The following CPNE4 variants were observed in gnomAD, a reference collection of about 807,000 sequenced individuals.
CPNE4 encodes the protein copine-4.
A neutral mutation model predicts 67.9 loss-of-function variants in CPNE4; 25 were observed. The ratio of observed to expected loss-of-function variants is 0.37; its 90% confidence interval spans 0.27 to 0.51. CPNE4 has a LOEUF of 0.51. Ranked by LOEUF, CPNE4 falls within the 20% of genes least tolerant of loss-of-function variation. CPNE4 has a pLI of 0.93. For missense variants in CPNE4, 464 were observed against 690.8 expected, an observed-to-expected ratio of 0.67 and a Z score of 3.68; for synonymous variants, 242 against 244.9, an observed-to-expected ratio of 0.99 and a Z score of 0.11.
At chr3:131,973,257 G>A (rs1415240224) in intron 1 of CPNE4, among the ~76,000 whole-genome samples, 1 of 152,146 alleles carries the variant, frequency 6.6e-6, no homozygotes, top group Non-Finnish European at 1.5e-5. Flanking sequence ...ATTTTTAGGT[G>A]ATCTTGAAAG....
intron 2 of CPNE4, among the ~76,000 whole-genome samples, chr3:131,866,867 A>G (rs2086975046): frequency 6.6e-6 from 1 of 152,260 alleles, no homozygotes; most frequent in Admixed American, 6.5e-5. Context: ...AGAGGAGATT[A>G]AGGAAAGACA....
At chr3:131,746,067 A>T (rs2082480352) in intron 2 of CPNE4, among the ~76,000 whole-genome samples, 2 of 152,014 alleles carry the variant, frequency 1.3e-5, no homozygotes, top group African/African-American at 4.8e-5. Context: ...CATTCACATT[A>T]TGTAGTTTTC....
intron 1 of CPNE4, among the ~76,000 whole-genome samples, chr3:132,003,674 T>G (rs2073514219): frequency 6.6e-6 from 1 of 152,064 alleles, no homozygotes; most frequent in South Asian, 2.1e-4. Flanking sequence ...TGAATTATAT[T>G]ACACAAACCA....
At chr3:131,900,788 A>G (rs573529475) in intron 2 of CPNE4, among the ~76,000 whole-genome samples, 2 of 152,114 alleles carry the variant, frequency 1.3e-5, no homozygotes, top group Admixed American at 6.6e-5. Context: ...AGTAGAGTCC[A>G]CTGATAATTG....
At chr3:131,716,962 C>T (rs1560170436) in intron 3 of CPNE4, among the ~76,000 whole-genome samples, 1 of 152,248 alleles carries the variant, frequency 6.6e-6, no homozygotes, top group South Asian at 2.1e-4. Context: ...CCAACATCTG[C>T]ATCTAGCCAT....
intron 7 of CPNE4, among the ~76,000 whole-genome samples, chr3:131,602,037 C>G (rs1014817956): frequency 5.3e-5 from 8 of 152,126 alleles, no homozygotes; most frequent in Non-Finnish European, 1.2e-4. Flanking sequence ...TTTAGTACAC[C>G]TAAGAAGAGT....
At chr3:132,031,817 C>A (rs1291974541) in intron 1 of CPNE4, among the ~76,000 whole-genome samples, 1 of 151,934 alleles carries the variant, frequency 6.6e-6, no homozygotes, top group African/African-American at 2.4e-5. Flanking sequence ...TTTTTTTGGT[C>A]TGTGATTGTT....
intron 2 of CPNE4, among the ~76,000 whole-genome samples, chr3:131,886,409 G>A (rs2087896393): frequency 6.6e-6 from 1 of 152,220 alleles, no homozygotes; most frequent in Non-Finnish European, 1.5e-5. Flanking sequence ...TTTGCAGCAG[G>A]GGTGGGGCTA....
intron 15 of CPNE4, among the ~76,000 whole-genome samples, chr3:131,542,021 T>C (rs1935528221): frequency 6.6e-6 from 1 of 152,222 alleles, no homozygotes; most frequent in African/African-American, 2.4e-5. Flanking sequence ...AGGAGTTAAA[T>C]AAATTTTTGA....
intron 1 of CPNE4, among the ~76,000 whole-genome samples, chr3:131,909,040 C>G (rs1474944401): frequency 1.3e-5 from 2 of 152,138 alleles, no homozygotes; most frequent in South Asian, 2.1e-4. Context: ...AGATGTCTCA[C>G]TATTAAGACC....
chr3:131,827,333 A>T (rs1159773183), intron 2 of CPNE4, among the ~76,000 whole-genome samples: 3 of 150,886 alleles, frequency 2.0e-5, no homozygotes, highest in Admixed American at 6.6e-5. Flanking sequence ...TTTAATGTAC[A>T]TCTATTCAGG....
intron 12 of CPNE4, among the ~76,000 whole-genome samples, chr3:131,553,601 G>A (rs1936303299): frequency 6.6e-6 from 1 of 152,080 alleles, no homozygotes; most frequent in Admixed American, 6.6e-5. Context: ...GTTGCCAACA[G>A]CGGTAACTGA....
chr3:131,823,222 C>A (rs1478500911), intron 2 of CPNE4, among the ~76,000 whole-genome samples: 2 of 152,168 alleles, frequency 1.3e-5, no homozygotes, highest in Non-Finnish European at 2.9e-5. Context: ...ATACTATGTG[C>A]CATGCATTGT....
intron 2 of CPNE4, among the ~76,000 whole-genome samples, chr3:131,802,139 A>G (rs1162590603): frequency 6.6e-6 from 1 of 152,142 alleles, no homozygotes; most frequent in Non-Finnish European, 1.5e-5. Context: ...AGTAGAGTGC[A>G]AGACTTCCTT....
At chr3:131,759,498 T>C (rs1454529632) in intron 2 of CPNE4, among the ~76,000 whole-genome samples, 2 of 152,146 alleles carry the variant, frequency 1.3e-5, no homozygotes, top group African/African-American at 4.8e-5. Context: ...ACTCATCTAA[T>C]GGTAGCATCA....
chr3:131,782,735 G>A (rs931442610), intron 2 of CPNE4, among the ~76,000 whole-genome samples: 6 of 152,030 alleles, frequency 3.9e-5, no homozygotes, highest in Non-Finnish European at 5.9e-5. Context: ...GTAGAAAATC[G>A]TATTTTCTGC....
At chr3:131,730,300 G>T (rs1045987336) in intron 2 of CPNE4, among the ~76,000 whole-genome samples, 9 of 151,902 alleles carry the variant, frequency 5.9e-5, no homozygotes, top group Admixed American at 3.9e-4. Flanking sequence ...TAAAAATAAT[G>T]GTTCATTTTA....
intron 1 of CPNE4, among the ~76,000 whole-genome samples, chr3:131,922,833 G>T (rs2070777827): frequency 6.6e-6 from 1 of 152,150 alleles, no homozygotes; most frequent in Non-Finnish European, 1.5e-5. Context: ...TCCTCTAAAA[G>T]TGTTATGTCT....
intron 13 of CPNE4, among the ~76,000 whole-genome samples, chr3:131,551,170 G>A (rs1936151296): frequency 6.6e-6 from 1 of 151,956 alleles, no homozygotes; most frequent in Admixed American, 6.6e-5. Flanking sequence ...ATAGCTCTTG[G>A]GTATTTTAGA....
Sources: gnomAD v4.1 joint callset for allele counts (sites outside exome capture counted in the v4.1 genomes callset) on GRCh38, gnomAD v4.1.1 for gene constraint, MANE v1.5 for transcripts, NCBI Gene and HGNC (gene_info 2026-07-23, HGNC 2026-07-21) for gene names.